Variants in EFHC1 observed in about 807,000 individuals in gnomAD.
EFHC1 encodes EF-hand domain containing 1.
A neutral mutation model predicts 69.9 loss-of-function variants in EFHC1; 53 were observed. The observed-to-expected ratio is 0.76, with a 90% CI of 0.61 to 0.95. The LOEUF (loss-of-function observed/expected upper bound fraction) is 0.95. Ranked by LOEUF, EFHC1 falls within the 40% of genes least tolerant of loss-of-function variation. EFHC1 has a pLI of 0.00. For synonymous variants in EFHC1, 256 were observed against 278.4 expected, an observed-to-expected ratio of 0.92 and a Z score of 0.80; for missense variants, 739 against 798.7, an observed-to-expected ratio of 0.93 and a Z score of 0.90.
chr6:52,427,060 C>T (rs914319380), intron 2 of EFHC1, among the ~76,000 whole-genome samples: 6 of 152,226 alleles, frequency 3.9e-5, no homozygotes, highest in Admixed American at 6.5e-5. Flanking sequence ...TCACAATCCA[C>T]ATCTAATCTA....
chr6:52,448,833 G>A lies in EFHC1; in HGVS notation c.574-3855G>A, dbSNP rs1764850783. Among the ~76,000 whole-genome samples, 5 of 152,300 alleles carry A rather than the reference G, an allele frequency of 3.3e-5. No individual in the cohort carries two copies. In the South Asian group the frequency reaches 1.0e-3, roughly 32 times the overall value. ...GAATCACATTTATTGATTTGTGTATGTTGAACCAACTTTGCATGCTGGAAA... is the reference window on the plus strand; with the variant it reads ...GAATCACATTTATTGATTTGTGTATATTGAACCAACTTTGCATGCTGGAAA... On this transcript the variant is annotated intron_variant, in intron 3 of 10. Transcript: ENST00000371068.
chr6:52,493,362 C>CTA lies in EFHC1; in HGVS notation c.*1022_*1023dup, dbSNP rs1554262438. The CTA allele has an allele frequency of 1.7e-5, 3 of 172,060 alleles. No individual in the cohort carries two copies. The highest frequency in any genetic ancestry group is 8.0e-5 in the African/African-American group (1 of 12,538). The allele number at this position is 172,060 out of a possible 1,614,324, so 10.7% of individuals were successfully genotyped here. On this transcript the variant is annotated 3_prime_UTR_variant, in exon 11 of 11. Transcript: ENST00000371068. ...CTTATAACTCTCTCTTTCTCTCTCT[C>CTA]TACATATATATATATATATATATTT...
Position 52,438,491 on chromosome 6 carries a change from A to G in EFHC1, c.473A>G (p.Asp158Gly). 6.2e-7 allele frequency: 1 copy of G among 1,614,090 alleles called. No homozygotes were observed. Among genetic ancestry groups the G allele is most frequent in the East Asian group, 2.2e-5 (1 of 44,886 alleles). The change falls in exon 3 of 11, where the codon GAC (aspartate) becomes GGC (glycine). Residue 158 changes from aspartate to glycine, a missense_variant. By Grantham distance (94) the Asp-to-Gly change is moderately conservative. Transcript: ENST00000371068. ...AAACGCCAGCGGCTAGCCAAGAATG[A>G]CCGGGGTGACCATTACCATTGGAAA... is the stretch of plus-strand genomic sequence containing the variant. The part of the protein sequence containing the change: ...LIKRQRLAKN[D>G]RGDHYHWKDL...
At chr6:52,450,862 G>A (rs1440731242) in intron 3 of EFHC1, among the ~76,000 whole-genome samples, 1 of 152,088 alleles carries the variant, frequency 6.6e-6, no homozygotes, top group East Asian at 1.9e-4. Context: ...GCAGTGGCGT[G>A]CTCTCAGCTC....
Position 52,479,725 on chromosome 6 carries a change from A to G in EFHC1, c.1578A>G (p.Glu526=). The change falls in exon 9 of 11, where the codon GAA becomes GAG. Residue 526 remains glutamate, a synonymous_variant. Coordinates refer to ENST00000371068, the MANE Select transcript of EFHC1 (RefSeq NM_018100.4). ...GCAACGCTGCCCAGTATTCACCAGA[A>G]GCACTCGCGTCAATTCAGAACCATG... ...MESNAAQYSP[E]ALASIQNHVR... 1 of 1,614,232 alleles carries G rather than the reference A, an allele frequency of 6.2e-7. No homozygotes were observed. Among genetic ancestry groups the G allele is most frequent in the South Asian group, 1.1e-5 (1 of 91,084 alleles).
In EFHC1 at chr6:52,467,277, GT is replaced by G. The variant is rs571878693; in HGVS notation, c.1138-2054del. 1.4e-3 allele frequency among the ~76,000 whole-genome samples: 219 copies of G among 151,786 alleles called. 1 individual carries two copies. Among genetic ancestry groups the G allele is most frequent in the Middle Eastern group, 3.4e-3 (1 of 294 alleles). Reference sequence around the variant, plus strand: ...GCTCACTGCAACGTCCACCTCCCAGGTTCAAGCGATTCTTGTGCCTCAGCCT... The same window carrying G: ...GCTCACTGCAACGTCCACCTCCCAGGTCAAGCGATTCTTGTGCCTCAGCCT... On this transcript the variant is annotated intron_variant, in intron 6 of 10. Transcript: ENST00000371068.
Position 52,423,960 on chromosome 6 carries a change from C to T in EFHC1, c.78C>T (p.His26=). ...TTCTTCTTCAGAAAACAGCCTTCCA[C>T]AGAAGTCAGACGCTGAGCTACAGGA... The part of the protein sequence containing the change: ...SFKDSTKTAF[H]RSQTLSYRNG... Residue 26 remains histidine (H), a synonymous_variant, in exon 2 of 11, where the codon CAC becomes CAT. Transcript: ENST00000371068. 6.2e-7 allele frequency: 1 copy of T among 1,614,026 alleles called. No homozygotes were observed. Among genetic ancestry groups the T allele is most frequent in the Non-Finnish European group, 8.5e-7 (1 of 1,179,992 alleles).
chr6:52,462,762 C>A (rs1482403641), intron 5 of EFHC1, among the ~76,000 whole-genome samples: 1 of 151,670 alleles, frequency 6.6e-6, no homozygotes, highest in Non-Finnish European at 1.5e-5. Flanking sequence ...GTGGCACGCA[C>A]CTGTAGTCCT....
rs769631457 is a variant in EFHC1 at position 52,493,489 on chromosome 6, T to TA, written c.*1153dup. On this transcript the variant is annotated 3_prime_UTR_variant, in exon 11 of 11. Transcript: ENST00000371068. ...TACATATATGTGCACACATCTCTACTAAAAATAGAAAAATTAGCCAGGTGT... is the reference window on the plus strand; with the variant it reads ...TACATATATGTGCACACATCTCTACTAAAAAATAGAAAAATTAGCCAGGTGT... 9.6e-5 allele frequency: 38 copies of TA among 396,342 alleles called. No individual in the cohort carries two copies. The highest frequency in any genetic ancestry group is 6.8e-4 in the South Asian group (37 of 54,640). 24.6% of individuals were successfully genotyped at this position (396,342 alleles called of 1,614,324 possible).
intron 4 of EFHC1, 151 bp from the exon 5 acceptor site, chr6:52,453,944 A>C (rs1161951864): frequency 2.0e-6 from 3 of 1,516,238 alleles, no homozygotes; most frequent in Non-Finnish European, 2.6e-6. Context: ...ATGTTTGATG[A>C]ATATTTCTTT....
rs1176284046 is a variant in EFHC1 at position 52,424,139 on chromosome 6, T to C, written c.257T>C (p.Ile86Thr). 1.2e-6 allele frequency: 2 copies of C among 1,613,946 alleles called. No individual in the cohort carries two copies. The highest frequency in any genetic ancestry group is 1.7e-5 in the Admixed American group (1 of 60,004). Residue 86 changes from isoleucine to threonine, a missense_variant, in exon 2 of 11, where the codon ATT becomes ACT. Coordinates refer to ENST00000371068, the MANE Select transcript of EFHC1 (RefSeq NM_018100.4). ...AAACAAGCCCCACCTGCGGATTTTA[T>C]TCCTGCGCATGTGGCCTTTGACAAA... ...QPKQAPPADF[I>T]PAHVAFDKKV... is the part of the protein sequence containing the mutation.
chr6:52,461,167 C>T (rs1423080061), intron 5 of EFHC1, among the ~76,000 whole-genome samples: 2 of 152,022 alleles, frequency 1.3e-5, no homozygotes, highest in African/African-American at 4.8e-5. Context: ...TTTTGTCTCC[C>T]AGGTATTAAG....
At chr6:52,460,079 C>T (rs939056303) in intron 5 of EFHC1, among the ~76,000 whole-genome samples, 3 of 152,150 alleles carry the variant, frequency 2.0e-5, no homozygotes, top group African/African-American at 7.2e-5. Context: ...CACACAGAAA[C>T]TTATGTGAAT....
chr6:52,460,643 C>A (rs192399008), intron 5 of EFHC1, among the ~76,000 whole-genome samples: 286 of 152,138 alleles, frequency 1.9e-3, no homozygotes, highest in Non-Finnish European at 3.4e-3. Context: ...GTAACCCATA[C>A]CAGATGGAAG....
At chr6:52,485,300 C>CGTA (rs1250600949) in intron 9 of EFHC1, 2 of 152,132 alleles carry the variant, frequency 1.3e-5, no homozygotes, top group Non-Finnish European at 2.9e-5. Context: ...CTTCAGCATA[C>CGTA]CACTAATTAA....
chr6:52,477,125 T>G lies in EFHC1; in HGVS notation c.1279-1912T>G, dbSNP rs546045851. Among the ~76,000 whole-genome samples, 72 of 151,964 alleles carry G rather than the reference T, an allele frequency of 4.7e-4. 1 individual carries two copies. Among genetic ancestry groups the G allele is most frequent in the South Asian group, 1.9e-3 (9 of 4,796 alleles). On this transcript the variant is annotated intron_variant, in intron 7 of 10. Coordinates refer to ENST00000371068, the MANE Select transcript of EFHC1 (RefSeq NM_018100.4). The stretch of plus-strand genomic sequence containing the variant: ...CATTGTCCCCCCCAACCCCCCGGTA[T>G]GCCCCTGCTTAGAAGTTTGTATTTT...
At chr6:52,433,095 TTTTTTA>T (rs1256889366) in intron 2 of EFHC1, among the ~76,000 whole-genome samples, 3 of 152,124 alleles carry the variant, frequency 2.0e-5, no homozygotes, top group African/African-American at 7.2e-5. Flanking sequence ...TTCTTGTATC[TTTTTTA>T]TTTCCTTAAA....
At chr6:52,469,181 A>T in intron 6 of EFHC1, 152 bp from the exon 7 acceptor site, 1 of 959,270 alleles carries the variant, frequency 1.0e-6, no homozygotes, top group Non-Finnish European at 1.5e-6. Flanking sequence ...GGGATAAGTG[A>T]TATGTTATAT....
intron 3 of EFHC1, among the ~76,000 whole-genome samples, chr6:52,451,564 A>G (rs890176237): frequency 6.6e-6 from 1 of 152,100 alleles, no homozygotes; most frequent in Non-Finnish European, 1.5e-5. Flanking sequence ...GCTGCTTTTA[A>G]CATTCTTTCT....
Sources: allele counts gnomAD v4.1 joint callset (sites outside exome capture counted in the v4.1 genomes callset), GRCh38; gene constraint gnomAD v4.1.1; transcripts MANE v1.5; gene names NCBI Gene and HGNC (gene_info 2026-07-23, HGNC 2026-07-21).